SUCO: variants seen among roughly 807,000 people sequenced by gnomAD.
The protein encoded by SUCO is SUN domain-containing ossification factor.
Under a neutral mutation model 148.1 loss-of-function variants are expected in SUCO, and 57 were observed. The observed-to-expected ratio is 0.38, with a 90% CI of 0.31 to 0.48. The LOEUF is 0.48. Among genes scored for constraint, SUCO ranks in the 20% least tolerant of loss-of-function variants. The pLI is 0.96. For missense variants in SUCO, 1,331 were observed against 1,468.2 expected, an observed-to-expected ratio of 0.91 and a Z score of 1.53; for synonymous variants, 470 against 502.7, an observed-to-expected ratio of 0.93 and a Z score of 0.87.
chr1:172,557,662 A>G lies in SUCO; in HGVS notation c.600A>G (p.Ile200Met). Residue 200 changes from isoleucine to methionine, a missense_variant, in exon 6 of 24, where the codon ATA (isoleucine) becomes ATG (methionine). This residue lies in a region of SUCO where 992 missense variants were observed against 1,093.5 expected (regional missense o/e 0.91). Transcript: ENST00000263688. ...SPPDSLVGQH[I>M]ENVSSSHGKG... ...TAAACAGCCTTGTTGGCCAGCATAT[A>G]GAAAATGTATCATCTTCACATGGTA... 1 of 1,601,702 alleles carries G rather than the reference A, an allele frequency of 6.2e-7. No homozygotes were observed. The highest frequency in any genetic ancestry group is 8.5e-7 in the Non-Finnish European group (1 of 1,176,540).
intron 16 of SUCO, among the ~76,000 whole-genome samples, 190 bp from the exon 17 acceptor site, chr1:172,585,668 A>G (rs1184390716): frequency 6.6e-6 from 1 of 152,188 alleles, no homozygotes; most frequent in Admixed American, 6.5e-5. Context: ...AAATTGAGAA[A>G]CGATATATAT....
Position 172,588,895 on chromosome 1 carries a change from C to T in SUCO, c.1794C>T (p.Ser598=), listed in dbSNP as rs377065957. Residue 598 remains serine (S), a synonymous_variant, in exon 18 of 24, where the codon AGC becomes AGT. Coordinates refer to ENST00000263688, the MANE Select transcript of SUCO (RefSeq NM_014283.5). ...ASPSTVTLLG[S]GEQEDESSPW... is the part of the protein sequence containing the mutation. ...CATCTACAGTGACCCTTCTGGGCAGCGGTGAACAGGAAGATGAATCATCAC... is the reference window on the plus strand; with the variant it reads ...CATCTACAGTGACCCTTCTGGGCAGTGGTGAACAGGAAGATGAATCATCAC... 3.7e-6 allele frequency: 6 copies of T among 1,613,058 alleles called. No individual in the cohort carries two copies. The highest frequency in any genetic ancestry group is 1.1e-5 in the South Asian group (1 of 90,976).
chr1:172,560,040 A>G (rs1360483288), intron 6 of SUCO, among the ~76,000 whole-genome samples: 5 of 152,292 alleles, frequency 3.3e-5, no homozygotes, highest in Non-Finnish European at 7.4e-5. Flanking sequence ...CTGAGTTTAC[A>G]GTGTAGGCCC....
intron 9 of SUCO, among the ~76,000 whole-genome samples, chr1:172,571,269 C>A (rs974240941): frequency 9.9e-5 from 15 of 152,214 alleles, no homozygotes; most frequent in Non-Finnish European, 1.6e-4. Flanking sequence ...CTGTGTTGGC[C>A]GGGCTGGTCT....
chr1:172,600,240 A>T, intron 20 of SUCO, 72 bp downstream of exon 20: 1 of 1,083,492 alleles, frequency 9.2e-7, no homozygotes, highest in Non-Finnish European at 1.3e-6. Flanking sequence ...GCTTGTTAAC[A>T]TGAACATGGT....
At chr1:172,595,293 T>C (rs1657013278) in intron 19 of SUCO, among the ~76,000 whole-genome samples, 1 of 152,228 alleles carries the variant, frequency 6.6e-6, no homozygotes, top group Non-Finnish European at 1.5e-5. Flanking sequence ...AAGGTTAATA[T>C]TGTTATATGT....
chr1:172,552,696 AT>A lies in SUCO; in HGVS notation c.178-560del, dbSNP rs1206057491. The A allele has an allele frequency of 4.4e-6, 4 of 910,216 alleles. No homozygotes were observed. The African/African-American group carries it at 7.2e-5, about 16-fold the overall frequency. The allele number at this position is 910,216 out of a possible 1,614,324, so 56.4% of individuals were successfully genotyped here. ...TATTTTCACCCACACAGTATATAAG[AT>A]TTTGATTTAATCCCCCTTTTGATGA... On this transcript the variant is annotated intron_variant, in intron 2 of 23. Coordinates refer to ENST00000263688, the MANE Select transcript of SUCO (RefSeq NM_014283.5).
chr1:172,586,793 A>ATGATATTT (rs1479965696), intron 17 of SUCO, among the ~76,000 whole-genome samples: 1 of 152,174 alleles, frequency 6.6e-6, no homozygotes, highest in Non-Finnish European at 1.5e-5. Flanking sequence ...TATTTCAAAA[A>ATGATATTT]TGATATTTTG....
chr1:172,588,724 G>C, intron 17 of SUCO, 36 bp from the exon 18 acceptor site: 1 of 1,328,844 alleles, frequency 7.5e-7, no homozygotes, highest in Non-Finnish European at 9.8e-7. Flanking sequence ...AGACTTCTAA[G>C]TAAGTGATTT....
In SUCO at chr1:172,557,684, G is replaced by A. The variant is rs1290522938; in HGVS notation, c.622G>A (p.Gly208Ser). Residue 208 changes from glycine to serine, a missense_variant, in exon 6 of 24, where the codon GGT becomes AGT. Gly to Ser is a moderately conservative substitution (Grantham distance 56). Transcript: ENST00000263688. ...TATAGAAAATGTATCATCTTCACAT[G>A]GTAAAGGAAAGATAACAAAATCAGA... is the stretch of plus-strand genomic sequence containing the variant. ...QHIENVSSSHGKGKITKSEFE... is the reference protein window; with the variant it reads ...QHIENVSSSHSKGKITKSEFE... 1.2e-6 allele frequency: 2 copies of A among 1,611,930 alleles called. No individual in the cohort carries two copies. Among genetic ancestry groups the A allele is most frequent in the Admixed American group, 1.7e-5 (1 of 59,582 alleles).
rs754452007 is a variant in SUCO, at chr1:172,589,117, A to G, written c.2016A>G (p.Ser672=). 1 of 1,613,622 alleles carries G rather than the reference A, an allele frequency of 6.2e-7. No individual in the cohort carries two copies. Among genetic ancestry groups the G allele is most frequent in the Non-Finnish European group, 8.5e-7 (1 of 1,179,742 alleles). Residue 672 remains serine, a synonymous_variant, in exon 18 of 24, where the codon TCA becomes TCG. Transcript: ENST00000263688. ...AQPPLLLPAE[S]VDVSVLQPLS... ...CACCCTTACTACTTCCTGCGGAATC[A>G]GTAGATGTTTCAGTATTGCAACCTC...
Position 172,536,999 on chromosome 1 carries a change from G to C in SUCO, c.62+3502G>C, listed in dbSNP as rs549893924. 1.2e-4 allele frequency among the ~76,000 whole-genome samples: 19 copies of C among 152,190 alleles called. No homozygotes were observed. The South Asian group carries it at 3.7e-3, about 30-fold the overall frequency. ...ACATCTGCAAAATCTCTTTTACTAT[G>C]TAAGGTAACATATTTAGGGATTAGG... On this transcript the variant is annotated intron_variant, in intron 1 of 23. Transcript: ENST00000263688.
Position 172,585,903 on chromosome 1 carries a change from A to G in SUCO, c.1613A>G (p.Lys538Arg), listed in dbSNP as rs576850982. Residue 538 changes from lysine to arginine, a missense_variant, in exon 17 of 24, where the codon AAA (lysine) becomes AGA (arginine). By Grantham distance (26) the Lys-to-Arg change is conservative. Coordinates refer to ENST00000263688, the MANE Select transcript of SUCO (RefSeq NM_014283.5). Reference sequence around the variant, plus strand: ...AATGCCACTGCCACAGCTGCACCTAAAATGCCTGAATCAACTCCTGTTTCA... The same window carrying G: ...AATGCCACTGCCACAGCTGCACCTAGAATGCCTGAATCAACTCCTGTTTCA... The part of the protein sequence containing the change: ...SENATATAAP[K>R]MPESTPVSTP... The G allele has an allele frequency of 2.5e-6, 4 of 1,611,186 alleles. No homozygotes were observed. In the African/African-American group the frequency reaches 4.0e-5, roughly 16 times the overall value.
chr1:172,591,729 A>G (rs550690969), intron 19 of SUCO, among the ~76,000 whole-genome samples: 19 of 151,954 alleles, frequency 1.3e-4, no homozygotes, highest in Non-Finnish European at 2.4e-4. Context: ...GAATAGTGCC[A>G]CAGTAAACAT....
intron 15 of SUCO, among the ~76,000 whole-genome samples, chr1:172,581,258 A>G (rs12073872): frequency 0.23 from 35,533 of 152,028 alleles, 4,289 homozygotes; most frequent in South Asian, 0.37. Flanking sequence ...AAGGTATATC[A>G]CTTAATTTTC....
intron 22 of SUCO, among the ~76,000 whole-genome samples, chr1:172,606,789 G>T (rs1657894323): frequency 6.6e-6 from 1 of 151,546 alleles, no homozygotes; most frequent in Non-Finnish European, 1.5e-5. Flanking sequence ...TTTCCTCCCA[G>T]ATATTCCCTG....
At chr1:172,595,954 T>A (rs1330734627) in intron 19 of SUCO, among the ~76,000 whole-genome samples, 5 of 152,214 alleles carry the variant, frequency 3.3e-5, no homozygotes, top group African/African-American at 4.8e-5. Flanking sequence ...AGTCCCATAT[T>A]TCTTGGAGTC....
intron 19 of SUCO, among the ~76,000 whole-genome samples, chr1:172,599,108 T>C (rs1657320123): frequency 6.6e-6 from 1 of 152,196 alleles, no homozygotes; most frequent in Non-Finnish European, 1.5e-5. Flanking sequence ...TCCCTAACTT[T>C]ATTAAAAGTT....
Position 172,602,765 on chromosome 1 carries a change from T to C in SUCO, c.3243T>C (p.Ser1081=), listed in dbSNP as rs369986273. The change falls in exon 22 of 24, where the codon TCT becomes TCC. Residue 1081 remains serine (S), a synonymous_variant. Coordinates refer to ENST00000263688, the MANE Select transcript of SUCO (RefSeq NM_014283.5). ...CATTCCCACTCATGAGATCCAAGTC[T>C]CTACAGTTAACTGGCAAAGAAGGTA... is the stretch of plus-strand genomic sequence containing the variant. The part of the protein sequence containing the change: ...RTSFPLMRSK[S]LQLTGKEVDP... 422 of 1,612,742 alleles carry C rather than the reference T, an allele frequency of 2.6e-4. No individual in the cohort carries two copies. The highest frequency in any genetic ancestry group is 3.5e-4 in the Non-Finnish European group (409 of 1,179,480).
Sources: gnomAD v4.1 joint callset for allele counts (sites outside exome capture counted in the v4.1 genomes callset) on GRCh38, gnomAD v4.1.1 for gene constraint, gnomAD v4.1.1 regional missense constraint, MANE v1.5 for transcripts, NCBI Gene and HGNC (gene_info 2026-07-23, HGNC 2026-07-21) for gene names.